Variants in MUC5B observed in about 807,000 individuals in gnomAD.
MUC5B encodes mucin-5B.
A neutral mutation model predicts 376.9 loss-of-function variants in MUC5B; 116 were observed. The ratio of observed to expected loss-of-function variants is 0.31; its 90% CI spans 0.26 to 0.36. The LOEUF (loss-of-function observed/expected upper bound fraction) is 0.36, where lower values mean the gene tolerates loss of function less well. Ranked by LOEUF, MUC5B falls within the 10% of genes least tolerant of loss-of-function variation. The pLI, the probability that MUC5B is intolerant of heterozygous loss-of-function variation, is 1.00. For synonymous variants in MUC5B, 3,517 were observed against 3,390.9 expected (o/e 1.04, Z -1.29); for missense variants, 7,165 against 7,769.9 (o/e 0.92, Z 2.93).
chr11:1,260,330 C>A (rs375281121), intron 46 of MUC5B, 21 bp from the exon 47 acceptor site: 2 of 1,612,006 alleles, frequency 1.2e-6, no homozygotes, highest in East Asian at 2.2e-5. Flanking sequence ...AGCCCTGCCC[C>A]CTGTCTTTGG....
chr11:1,238,977 C>T lies in MUC5B; in HGVS notation c.3404C>T (p.Ala1135Val), dbSNP rs1348372568. 1.9e-6 allele frequency: 3 copies of T among 1,571,542 alleles called. No homozygotes were observed. The highest frequency in any genetic ancestry group is 2.6e-6 in the Non-Finnish European group (3 of 1,159,216). ...FCTAVAAYAQ[A>V]CHDAGLCVSW... is the part of the protein sequence containing the mutation. Reference sequence around the variant, plus strand: ...ACGGCTGTGGCTGCCTACGCCCAGGCCTGCCACGACGCGGGCCTGTGTGTG... The same window carrying T: ...ACGGCTGTGGCTGCCTACGCCCAGGTCTGCCACGACGCGGGCCTGTGTGTG... Residue 1135 changes from alanine (A) to valine (V), a missense_variant, in exon 26 of 49, where the codon GCC becomes GTC. Around this residue, in one of 31 missense-constraint regions of MUC5B, gnomAD observed 143 missense variants for 193.2 expected, o/e 0.74. Transcript: ENST00000529681.
Position 1,245,665 on chromosome 11 carries a change from G to A in MUC5B, c.8785G>A (p.Glu2929Lys). ...GGCCCAGCCTGGTGTCCCCCTGCGG[G>A]AGTTGGGCCAGGTCGTGGAATGCAG... ...AQAQPGVPLR[E>K]LGQVVECSLD... Residue 2929 changes from glutamate (E) to lysine (K), a missense_variant, in exon 31 of 49, where the codon GAG becomes AAG. By Grantham distance (56) the Glu-to-Lys change is moderately conservative (BLOSUM62 1). Transcript: ENST00000529681. 1.2e-6 allele frequency: 2 copies of A among 1,604,206 alleles called. No individual in the cohort carries two copies. Among genetic ancestry groups the A allele is most frequent in the East Asian group, 4.5e-5 (2 of 44,734 alleles).
At position 1,226,265 on chromosome 11, in the gene MUC5B, C is replaced by T. The variant is rs1301573032; in HGVS notation, c.188C>T (p.Pro63Leu). Residue 63 changes from proline (P) to leucine (L), a missense_variant, in exon 3 of 49, where the codon CCC becomes CTC. Coordinates refer to ENST00000529681, the MANE Select transcript of MUC5B (RefSeq NM_002458.3). ...VSFVPPVTVF[P>L]SLSPLNPAHN... is the part of the protein sequence containing the mutation. ...TTTGTTCCACCCGTCACTGTCTTCC[C>T]CAGCCTGAGCCGTAAGCAGATGCTG... is the stretch of plus-strand genomic sequence containing the variant. 6.4e-7 allele frequency: 1 copy of T among 1,555,552 alleles called. No individual in the cohort carries two copies. Among genetic ancestry groups the T allele is most frequent in the African/African-American group, 1.4e-5 (1 of 73,336 alleles).
intron 4 of MUC5B, 66 bp from the exon 5 acceptor site, chr11:1,226,965 G>A: frequency 3.2e-6 from 5 of 1,570,378 alleles, no homozygotes; most frequent in Non-Finnish European, 3.5e-6. Context: ...CCAGGGCTGG[G>A]GGGGGGTTGG....
chr11:1,259,627 G>A (rs114244431), intron 44 of MUC5B, 129 bp from the exon 45 acceptor site: 11 of 870,932 alleles, frequency 1.3e-5, no homozygotes, highest in Admixed American at 7.2e-5. Context: ...CAACTTCTTC[G>A]GGTATAGGCC....
Position 1,250,600 on chromosome 11 carries a change from G to C in MUC5B, c.13720G>C (p.Ala4574Pro), listed in dbSNP as rs1170255519. 1 of 1,613,064 alleles carries C rather than the reference G, an allele frequency of 6.2e-7. No individual in the cohort carries two copies. Among genetic ancestry groups the C allele is most frequent in the African/African-American group, 1.3e-5 (1 of 74,614 alleles). Residue 4574 changes from alanine to proline, a missense_variant, in exon 31 of 49, where the codon GCC becomes CCC. Physicochemically the swap from Ala to Pro is conservative, Grantham distance 27. Coordinates refer to ENST00000529681, the MANE Select transcript of MUC5B (RefSeq NM_002458.3). ...VLTATATTTG[A>P]TGSVATPSST... ...TACCGCCACGGCCACCACAACCGGGGCCACCGGCTCTGTGGCCACCCCCTC... is the reference window on the plus strand; with the variant it reads ...TACCGCCACGGCCACCACAACCGGGCCCACCGGCTCTGTGGCCACCCCCTC...
Position 1,230,918 on chromosome 11 carries a change from G to T in MUC5B, c.1471-18G>T, listed in dbSNP as rs376612143. Reference sequence around the variant, plus strand: ...GGTTCCTCCCCAGAGCTGACCTCCCGCCCGCCTCCTTCCGCAGGCCATCCG... The same window carrying T: ...GGTTCCTCCCCAGAGCTGACCTCCCTCCCGCCTCCTTCCGCAGGCCATCCG... On this transcript the variant is annotated intron_variant, in intron 12 of 48. Transcript: ENST00000529681. 7.0e-6 allele frequency: 11 copies of T among 1,574,692 alleles called. No homozygotes were observed. Among genetic ancestry groups the T allele is most frequent in the African/African-American group, 1.4e-5 (1 of 73,902 alleles).
chr11:1,236,381 T>A lies in MUC5B; in HGVS notation c.2881-5T>A. 1 of 1,603,568 alleles carries A rather than the reference T, an allele frequency of 6.2e-7. No individual in the cohort carries two copies. Among genetic ancestry groups the A allele is most frequent in the Non-Finnish European group, 8.5e-7 (1 of 1,173,362 alleles). On this transcript the variant is annotated splice_polypyrimidine_tract_variant and splice_region_variant and intron_variant, in intron 23 of 48. Coordinates refer to ENST00000529681, the MANE Select transcript of MUC5B (RefSeq NM_002458.3). ...GGCTTCCGGCAGCGTCTGCCTCCCC[T>A]GCAGAGCTACGAGCTGATCCTCCAA... is the stretch of plus-strand genomic sequence containing the variant.
In MUC5B at chr11:1,223,120, C is replaced by T. The variant is rs1861793393; in HGVS notation, c.-4C>T. The T allele has an allele frequency of 2.8e-6, 2 of 703,498 alleles. No homozygotes were observed. The highest frequency in any genetic ancestry group is 5.2e-6 in the Non-Finnish European group (2 of 383,742). The allele number at this position is 703,498 out of a possible 1,614,324, so 43.6% of individuals were successfully genotyped here. On this transcript the variant is annotated 5_prime_UTR_variant, in exon 1 of 49. Transcript: ENST00000529681. ...CCGTCCCCCCACCCGTGCCAGCCCC[C>T]AGGATGGGTGCCCCGAGCGCGTGCC...
Position 1,252,895 on chromosome 11 carries a change from G to A in MUC5B, c.15132G>A (p.Val5044=). 1.9e-6 allele frequency: 3 copies of A among 1,612,684 alleles called. No individual in the cohort carries two copies. The highest frequency in any genetic ancestry group is 2.5e-6 in the Non-Finnish European group (3 of 1,179,868). Reference sequence around the variant, plus strand: ...TCGTCCTGCTGGACCCAAAGCCTGTGGCCAACGTCACCTGCGTGAACAAGC... The same window carrying A: ...TCGTCCTGCTGGACCCAAAGCCTGTAGCCAACGTCACCTGCGTGAACAAGC... The part of the protein sequence containing the change: ...NRVVLLDPKP[V]ANVTCVNKHL... The change falls in exon 33 of 49, where the codon GTG becomes GTA. Residue 5044 remains valine, a synonymous_variant. Transcript: ENST00000529681.
Position 1,255,329 on chromosome 11 carries a change from G to A in MUC5B, c.15891-54G>A, listed in dbSNP as rs578261036. The stretch of plus-strand genomic sequence containing the variant: ...CCCCCGCCCGCCCGCATGCACGCAC[G>A]CACGCAGCTCCCTGGGGCTGGGGGC... On this transcript the variant is annotated intron_variant, in intron 36 of 48. Coordinates refer to ENST00000529681, the MANE Select transcript of MUC5B (RefSeq NM_002458.3). 133 of 1,373,644 alleles carry A rather than the reference G, an allele frequency of 9.7e-5. No individual in the cohort carries two copies. In the Middle Eastern group the frequency reaches 1.1e-3, roughly 11 times the overall value. 85.1% of individuals were successfully genotyped at this position (1,373,644 alleles called of 1,614,324 possible).
In MUC5B at chr11:1,245,991, C is replaced by G. The variant is rs760754858; in HGVS notation, c.9111C>G (p.Ser3037=). The change falls in exon 31 of 49, where the codon TCC becomes TCG. Residue 3037 remains serine (S), a synonymous_variant. Transcript: ENST00000529681. ...CCACCACACCCACAGCCACCAGTTC[C>G]AAAGCCACTTCCTCCTCCAGTCCAA... ...STATTPTATS[S]KATSSSSPRT... is the part of the protein sequence containing the mutation. 97 of 1,612,838 alleles carry G rather than the reference C, an allele frequency of 6.0e-5. No homozygotes were observed. Among genetic ancestry groups the G allele is most frequent in the Non-Finnish European group, 7.9e-5 (93 of 1,179,626 alleles).
Position 1,240,209 on chromosome 11 carries a change from C to CCAGGACCAG in MUC5B, c.3804_3805insCAGGACCAG (p.Tyr1268_Ser1269insGlnAspGln). 1 of 1,611,810 alleles carries CCAGGACCAG rather than the reference C, an allele frequency of 6.2e-7. No individual in the cohort carries two copies. Among genetic ancestry groups the CCAGGACCAG allele is most frequent in the Non-Finnish European group, 8.5e-7 (1 of 1,178,368 alleles). ...CCTGCACCTATGAGGACAGGACCTA[C>CCAGGACCAG]AGCTACCAGGACGTCATCTACAACA... On this transcript the variant is annotated inframe_insertion, in exon 30 of 49. Transcript: ENST00000529681.
At chr11:1,225,891 G>A (rs1012522598) in intron 2 of MUC5B, among the ~76,000 whole-genome samples, 154 bp downstream of exon 2, 4 of 152,244 alleles carry the variant, frequency 2.6e-5, no homozygotes, top group East Asian at 1.9e-4. Flanking sequence ...CACCCGAGGC[G>A]GAGCTTGGTG....
Position 1,232,732 on chromosome 11 carries a change from A to C in MUC5B, c.2027A>C (p.Lys676Thr). 1.2e-6 allele frequency: 2 copies of C among 1,601,756 alleles called. No homozygotes were observed. Among genetic ancestry groups the C allele is most frequent in the Non-Finnish European group, 1.7e-6 (2 of 1,174,532 alleles). ...LSSYVHACAA[K>T]GVQLSDWRDG... ...TCCTATGTGCACGCCTGTGCCGCCAAGGGCGTACAGCTCAGCGACTGGAGG... is the reference window on the plus strand; with the variant it reads ...TCCTATGTGCACGCCTGTGCCGCCACGGGCGTACAGCTCAGCGACTGGAGG... Residue 676 changes from lysine (K) to threonine (T), a missense_variant, in exon 17 of 49, where the codon AAG becomes ACG. Around this residue, in one of 31 missense-constraint regions of MUC5B, gnomAD observed 530 missense variants for 604.0 expected, o/e 0.88. Coordinates refer to ENST00000529681, the MANE Select transcript of MUC5B (RefSeq NM_002458.3).
At position 1,236,532 on chromosome 11, in the gene MUC5B, C is replaced by T. The variant is rs779725914; in HGVS notation, c.3027C>T (p.Ser1009=). Residue 1009 remains serine, a synonymous_variant, in exon 24 of 49, where the codon AGC becomes AGT. Transcript: ENST00000529681. ...CCGTGTCCTGGGACCGGAAGACCAG[C>T]GTGTTCATCCGACTGCACCAGGACT... ...GMAVSWDRKT[S]VFIRLHQDYK... The T allele has an allele frequency of 1.9e-5, 31 of 1,612,840 alleles. No individual in the cohort carries two copies. Among genetic ancestry groups the T allele is most frequent in the Middle Eastern group, 1.6e-4 (1 of 6,082 alleles).
At chr11:1,223,922 A>G (rs12577983) in intron 1 of MUC5B, among the ~76,000 whole-genome samples, 41,712 of 151,454 alleles carry the variant, frequency 0.28, 6,081 homozygotes, top group East Asian at 0.43. Context: ...CCCGCCCTCC[A>G]CCCCCTCCCA....
At chr11:1,231,670 G>A (rs906184332) in intron 14 of MUC5B, 110 bp downstream of exon 14, 3 of 1,330,296 alleles carry the variant, frequency 2.3e-6, no homozygotes, top group East Asian at 5.1e-5. Flanking sequence ...CGGGGAGGGG[G>A]CTGCCCCCAG....
rs1044200131 is a variant in MUC5B, at chr11:1,235,554, AC to A, written c.2880+143del. On this transcript the variant is annotated intron_variant, in intron 23 of 48. Coordinates refer to ENST00000529681, the MANE Select transcript of MUC5B (RefSeq NM_002458.3). ...GGGCTGCTGTTCCAAGCAGCCACAA[AC>A]CAGGGGGCTTAGACAACAGAAATGC... is the stretch of plus-strand genomic sequence containing the variant. The A allele has an allele frequency of 7.0e-6, 5 of 714,910 alleles. No homozygotes were observed. In the East Asian group the frequency reaches 1.1e-4, roughly 16 times the overall value. 44.3% of individuals were successfully genotyped at this position (714,910 alleles called of 1,614,324 possible). A position where few individuals can be genotyped will look rare whatever the true frequency, so the allele number is the denominator to read the frequency against.
Sources: gnomAD v4.1 joint callset for allele counts (sites outside exome capture counted in the v4.1 genomes callset) on GRCh38, gnomAD v4.1.1 for gene constraint, gnomAD v4.1.1 regional missense constraint, MANE v1.5 for transcripts, NCBI Gene and HGNC (gene_info 2026-07-23, HGNC 2026-07-21) for gene names.